Variants in MMP26 observed in about 807,000 individuals in gnomAD.
The protein encoded by MMP26 is matrix metalloproteinase-26.
Under a neutral mutation model 31.0 loss-of-function variants are expected in MMP26, and 33 were observed. The ratio of observed to expected loss-of-function variants is 1.06; its 90% CI spans 0.81 to 1.42. The LOEUF is 1.42. Among genes scored for constraint, MMP26 ranks in the 40% most tolerant of loss-of-function variants. The probability of loss-of-function intolerance (pLI) is 0.00; values close to 1 mark genes in which losing one functional copy is unlikely to be tolerated. For synonymous variants in MMP26, 122 were observed against 114.9 expected (o/e 1.06, Z -0.40); for missense variants, 347 against 316.1 (o/e 1.10, Z -0.74).
At chr11:4,904,922 T>C (rs1166167857) in intron 2 of MMP26, among the ~76,000 whole-genome samples, 1 of 151,920 alleles carries the variant, frequency 6.6e-6, no homozygotes, top group Non-Finnish European at 1.5e-5. Flanking sequence ...TAACATGGAG[T>C]AGTCAATGTG....
At chr11:4,821,634 A>G in intron 2 of MMP26, 1 of 1,614,044 alleles carries the variant, frequency 6.2e-7, no homozygotes, top group Non-Finnish European at 8.5e-7. Context: ...TTTCAGCCAC[A>G]GACCTGAGCT....
chr11:4,873,058 T>A (rs933430852), intron 2 of MMP26, among the ~76,000 whole-genome samples: 4 of 152,112 alleles, frequency 2.6e-5, no homozygotes, highest in African/African-American at 9.7e-5. Flanking sequence ...GTCCTCTGAT[T>A]ACTCATGACA....
intron 2 of MMP26, chr11:4,803,863 T>C (rs1849221105): frequency 6.2e-7 from 1 of 1,612,132 alleles, no homozygotes; most frequent in Non-Finnish European, 8.5e-7. Flanking sequence ...GGCTTGGTGT[T>C]GGCAGAAGGG....
At chr11:4,733,153 T>C (rs1848195951) in intron 1 of MMP26, among the ~76,000 whole-genome samples, 1 of 152,256 alleles carries the variant, frequency 6.6e-6, no homozygotes, top group South Asian at 2.1e-4. Context: ...TAAAATTCCA[T>C]ATGTATTTTA....
At chr11:4,941,208 C>T (rs1013632485) in intron 2 of MMP26, among the ~76,000 whole-genome samples, 2 of 152,180 alleles carry the variant, frequency 1.3e-5, no homozygotes, top group African/African-American at 2.4e-5. Flanking sequence ...TACATTTACA[C>T]TACCTTTACT....
In MMP26 at chr11:4,898,809, ATCTCTC is replaced by A. The variant is rs71885228; in HGVS notation, c.-144-89241_-144-89236del. 3.5e-5 allele frequency among the ~76,000 whole-genome samples: 5 copies of A among 143,564 alleles called. No individual in the cohort carries two copies. The South Asian group carries it at 9.3e-4, about 27-fold the overall frequency. 94.2% of individuals were successfully genotyped at this position (143,564 alleles called of 152,430 possible). On this transcript the variant is annotated intron_variant, in intron 2 of 7. Transcript: ENST00000380390. ...TTAGAGTTTATTAGAAATTTAAGAAATCTCTCTCTCTCTCTCTCTCTCTGTGTGTGT... is the reference window on the plus strand; with the variant it reads ...TTAGAGTTTATTAGAAATTTAAGAAATCTCTCTCTCTCTCTCTGTGTGTGT...
chr11:4,972,286 C>A (rs925478682), intron 2 of MMP26, among the ~76,000 whole-genome samples: 5 of 151,938 alleles, frequency 3.3e-5, no homozygotes, highest in South Asian at 2.1e-4. Context: ...TTCAGAGGAA[C>A]CTGGGTAGAG....
Position 4,783,887 on chromosome 11 carries a change from A to G in MMP26, c.-145+16546A>G, listed in dbSNP as rs373738302. 4.6e-5 allele frequency among the ~76,000 whole-genome samples: 7 copies of G among 152,288 alleles called. No homozygotes were observed. The South Asian group carries it at 1.2e-3, about 27-fold the overall frequency. ...AGATGTGACTTGCTCCTCGTCTTCCACTATGATTGTGAGGTTTCCCCAGCC... is the reference window on the plus strand; with the variant it reads ...AGATGTGACTTGCTCCTCGTCTTCCGCTATGATTGTGAGGTTTCCCCAGCC... On this transcript the variant is annotated intron_variant, in intron 2 of 7. Coordinates refer to ENST00000380390, the MANE Select transcript of MMP26 (RefSeq NM_021801.5).
At chr11:4,828,490 T>G (rs771805598) in intron 2 of MMP26, among the ~76,000 whole-genome samples, 61 of 152,304 alleles carry the variant, frequency 4.0e-4, no homozygotes, top group African/African-American at 1.4e-3. Context: ...GCAATAGATA[T>G]GCTGTTTGTG....
chr11:4,912,716 C>G (rs1429890382), intron 2 of MMP26: 2 of 152,138 alleles, frequency 1.3e-5, no homozygotes, highest in African/African-American at 4.8e-5. Flanking sequence ...TAACAGGCAG[C>G]TATAACCTAG....
chr11:4,723,702 C>T, intron 1 of MMP26: 1 of 990,162 alleles, frequency 1.0e-6, no homozygotes, highest in Admixed American at 1.7e-5. Flanking sequence ...GCTTCAGCTT[C>T]TCCTGGCCCA....
At chr11:4,946,036 A>G (rs1394585843) in intron 2 of MMP26, 41 of 891,364 alleles carry the variant, frequency 4.6e-5, no homozygotes, top group Non-Finnish European at 5.9e-5. Flanking sequence ...CAGAGTGAAT[A>G]AAATAACTCT....
intron 1 of MMP26, among the ~76,000 whole-genome samples, chr11:4,759,090 A>C (rs1035816739): frequency 2.7e-5 from 4 of 148,056 alleles, no homozygotes; most frequent in Non-Finnish European, 6.0e-5. Flanking sequence ...CAGCCTGGGC[A>C]ACAAGAGTGA....
chr11:4,934,596 A>C (rs1483046054), intron 2 of MMP26, among the ~76,000 whole-genome samples: 1 of 144,402 alleles, frequency 6.9e-6, no homozygotes, highest in East Asian at 2.0e-4. Flanking sequence ...CCCATTTGTC[A>C]ATTTTGTCTT....
chr11:4,746,248 A>G (rs543025352), intron 1 of MMP26, among the ~76,000 whole-genome samples: 4 of 152,002 alleles, frequency 2.6e-5, no homozygotes, highest in Admixed American at 6.5e-5. Flanking sequence ...TCCTATTTCT[A>G]TGTCAAGTAG....
At chr11:4,871,987 C>T (rs750968833) in intron 2 of MMP26, 4 of 152,068 alleles carry the variant, frequency 2.6e-5, no homozygotes, top group African/African-American at 4.8e-5. Context: ...CTTCAAAGCA[C>T]AATGATCACA....
At chr11:4,840,164 G>A (rs781210765) in intron 2 of MMP26, among the ~76,000 whole-genome samples, 41 of 152,268 alleles carry the variant, frequency 2.7e-4, no homozygotes, top group Non-Finnish European at 5.1e-4. Context: ...CAGTATAATA[G>A]AACACCAGGT....
chr11:4,705,275 A>C (rs1393391179), intron 1 of MMP26, among the ~76,000 whole-genome samples: 1 of 152,116 alleles, frequency 6.6e-6, no homozygotes, highest in East Asian at 1.9e-4. Flanking sequence ...ACAGTAAAAA[A>C]AGAAAAAAAA....
At chr11:4,926,400 T>A (rs943713645) in intron 2 of MMP26, among the ~76,000 whole-genome samples, 1 of 152,134 alleles carries the variant, frequency 6.6e-6, no homozygotes, top group Non-Finnish European at 1.5e-5. Context: ...AGAGCATTCA[T>A]TAAGTGAGAA....
Sources: allele counts gnomAD v4.1 joint callset (sites outside exome capture counted in the v4.1 genomes callset), GRCh38; gene constraint gnomAD v4.1.1; transcripts MANE v1.5; gene names NCBI Gene and HGNC (gene_info 2026-07-23, HGNC 2026-07-21).